PMEPA1: variants seen among roughly 807,000 people sequenced by gnomAD.
PMEPA1 encodes the protein prostate transmembrane protein, androgen induced 1.
Under a neutral mutation model 23.0 loss-of-function variants are expected in PMEPA1, and 11 were observed. The ratio of observed to expected loss-of-function variants is 0.48; its 90% CI spans 0.30 to 0.79. The LOEUF (loss-of-function observed/expected upper bound fraction) is 0.79, where lower values mean the gene tolerates loss of function less well. Ranked by LOEUF, PMEPA1 falls within the 30% of genes least tolerant of loss-of-function variation. The pLI is 0.06. For missense variants in PMEPA1, 377 were observed against 390.9 expected (o/e 0.96, Z 0.30); for synonymous variants, 204 against 166.4 (o/e 1.23, Z -1.74).
At chr20:57,674,337 C>G (rs1395586262) in intron 1 of PMEPA1, among the ~76,000 whole-genome samples, 1 of 152,238 alleles carries the variant, frequency 6.6e-6, no homozygotes, top group Non-Finnish European at 1.5e-5. Flanking sequence ...CATCTACAAG[C>G]CACAAAGCAG....
intron 1 of PMEPA1, among the ~76,000 whole-genome samples, chr20:57,708,983 C>G (rs2072125811): frequency 6.6e-6 from 1 of 152,012 alleles, no homozygotes; most frequent in Non-Finnish European, 1.5e-5. Flanking sequence ...ACTCCACAGA[C>G]GCACGGACAT....
chr20:57,666,653 C>T (rs948146064), intron 1 of PMEPA1, among the ~76,000 whole-genome samples: 3 of 152,178 alleles, frequency 2.0e-5, no homozygotes, highest in Admixed American at 2.0e-4. Context: ...GCGTGTCGCC[C>T]CCAACGCAGT....
chr20:57,672,199 G>A (rs543864457), intron 1 of PMEPA1, among the ~76,000 whole-genome samples: 5 of 152,354 alleles, frequency 3.3e-5, no homozygotes, highest in South Asian at 2.1e-4. Flanking sequence ...ACTCTCGCAC[G>A]CGCACGTGTG....
intron 2 of PMEPA1, among the ~76,000 whole-genome samples, chr20:57,654,976 AC>A (rs891822604): frequency 6.0e-5 from 9 of 150,064 alleles, no homozygotes; most frequent in Non-Finnish European, 1.0e-4. Flanking sequence ...CTCTGCTTAA[AC>A]CGTCTGGGCC....
rs1359838381 is a variant in PMEPA1, at chr20:57,698,592, A to G, written c.109+10882T>C. On this transcript the variant is annotated intron_variant, in intron 1 of 3. Coordinates refer to ENST00000341744, the MANE Select transcript of PMEPA1 (RefSeq NM_020182.5). ...AGTTGATTCAGACATTTACAGAATT[A>G]TTACCAACTAAATTGTTTTTAGGAA... 3.9e-5 allele frequency among the ~76,000 whole-genome samples: 6 copies of G among 152,244 alleles called. No individual in the cohort carries two copies. The East Asian group carries it at 1.2e-3, about 29-fold the overall frequency.
chr20:57,658,086 C>A (rs1223481487), intron 2 of PMEPA1, among the ~76,000 whole-genome samples: 1 of 152,246 alleles, frequency 6.6e-6, no homozygotes, highest in Non-Finnish European at 1.5e-5. Flanking sequence ...AACAGCCGGG[C>A]TTCAGGCGGC....
At chr20:57,686,061 G>T (rs1230036272) in intron 1 of PMEPA1, among the ~76,000 whole-genome samples, 1 of 152,146 alleles carries the variant, frequency 6.6e-6, no homozygotes, top group African/African-American at 2.4e-5. Context: ...TCTAAACTGG[G>T]GAGTGGGCCT....
At position 57,709,900 on chromosome 20, in the gene PMEPA1, T is replaced by C; in HGVS notation, c.-318A>G. The C allele has an allele frequency of 9.9e-7, 1 of 1,005,222 alleles. No individual in the cohort carries two copies. The highest frequency in any genetic ancestry group is 1.2e-6 in the Non-Finnish European group (1 of 847,096). 62.3% of individuals were successfully genotyped at this position (1,005,222 alleles called of 1,614,324 possible). On this transcript the variant is annotated 5_prime_UTR_variant, in exon 1 of 4. Coordinates refer to ENST00000341744, the MANE Select transcript of PMEPA1 (RefSeq NM_020182.5). The stretch of plus-strand genomic sequence containing the variant: ...GGGGCTGAGCCTCTGCCGCTAGCTT[T>C]CCCCAGCCGAGCGCCTCCGCCGCCG...
At position 57,707,558 on chromosome 20, in the gene PMEPA1, G is replaced by C. The variant is rs575397946; in HGVS notation, c.109+1916C>G. On this transcript the variant is annotated intron_variant, in intron 1 of 3. Coordinates refer to ENST00000341744, the MANE Select transcript of PMEPA1 (RefSeq NM_020182.5). ...GGCGGGGCAAAGTGCAGAGGGCGGC[G>C]GCAAGGCATTTAACAAGAGGCCTTG... is the stretch of plus-strand genomic sequence containing the variant. Among the ~76,000 whole-genome samples, 3 of 152,156 alleles carry C rather than the reference G, an allele frequency of 2.0e-5. No homozygotes were observed. The South Asian group carries it at 6.2e-4, about 32-fold the overall frequency.
At chr20:57,654,514 G>A (rs1281720787) in intron 2 of PMEPA1, among the ~76,000 whole-genome samples, 1 of 152,124 alleles carries the variant, frequency 6.6e-6, no homozygotes, top group Non-Finnish European at 1.5e-5. Flanking sequence ...ACCCCTTAAG[G>A]AGGTCTTAAC....
upstream of PMEPA1, chr20:57,710,725 C>T: frequency 2.2e-6 from 1 of 462,332 alleles, no homozygotes; most frequent in South Asian, 4.1e-5. Flanking sequence ...GGGGGCGCGG[C>T]TGCGGAGTTC....
rs2071745136 is a variant in PMEPA1, at chr20:57,683,256, T to C, written c.110-23559A>G. ...AAGCTCCCTAAACTCAAGCCAAGGGTGCGTTTTTGATGTGCTGAGAGAGGC... is the reference window on the plus strand; with the variant it reads ...AAGCTCCCTAAACTCAAGCCAAGGGCGCGTTTTTGATGTGCTGAGAGAGGC... On this transcript the variant is annotated intron_variant, in intron 1 of 3. Coordinates refer to ENST00000341744, the MANE Select transcript of PMEPA1 (RefSeq NM_020182.5). This position sits in a 1 kb window ranked among gnomAD's most constrained non-coding sequence, Gnocchi z 4.3. 6.6e-6 allele frequency among the ~76,000 whole-genome samples: 1 copy of C among 152,026 alleles called. No homozygotes were observed. Among genetic ancestry groups the C allele is most frequent in the African/African-American group, 2.4e-5 (1 of 41,370 alleles).
Position 57,709,976 on chromosome 20 carries a change from C to A in PMEPA1, c.-394G>T. On this transcript the variant is annotated 5_prime_UTR_variant, in exon 1 of 4. Transcript: ENST00000341744. Reference sequence around the variant, plus strand: ...ATTCAAGTCCAAGGAGATCGGGTTTCGCTCCGAGACCGCGGTCGGAGGCAG... The same window carrying A: ...ATTCAAGTCCAAGGAGATCGGGTTTAGCTCCGAGACCGCGGTCGGAGGCAG... 2.0e-6 allele frequency: 2 copies of A among 991,926 alleles called. No individual in the cohort carries two copies. The highest frequency in any genetic ancestry group is 4.5e-5 in the South Asian group (1 of 22,450). 61.4% of individuals were successfully genotyped at this position (991,926 alleles called of 1,614,324 possible).
upstream of PMEPA1, chr20:57,710,561 G>A (rs2072165602): frequency 7.8e-7 from 1 of 1,285,120 alleles, no homozygotes; most frequent in Non-Finnish European, 1.1e-6. Context: ...AACCCAAGGA[G>A]GACGACCAGG....
intron 1 of PMEPA1, among the ~76,000 whole-genome samples, chr20:57,670,785 C>A (rs62779): frequency 6.6e-6 from 1 of 151,936 alleles, no homozygotes; most frequent in Admixed American, 6.5e-5. Context: ...TTTGCAAAGG[C>A]CCACTCAGGT....
At position 57,683,046 on chromosome 20, in the gene PMEPA1, T is replaced by C. The variant is rs1396183662; in HGVS notation, c.110-23349A>G. Among the ~76,000 whole-genome samples the C allele has an allele frequency of 6.6e-6, 1 of 152,174 alleles. No homozygotes were observed. The highest frequency in any genetic ancestry group is 1.5e-5 in the Non-Finnish European group (1 of 68,030). Reference sequence around the variant, plus strand: ...TTTGAGCTCTAAAAGCCAGACCTTTTTCAATGTCATCTCTCACGCCGCAGT... The same window carrying C: ...TTTGAGCTCTAAAAGCCAGACCTTTCTCAATGTCATCTCTCACGCCGCAGT... On this transcript the variant is annotated intron_variant, in intron 1 of 3. Coordinates refer to ENST00000341744, the MANE Select transcript of PMEPA1 (RefSeq NM_020182.5). This position sits in a 1 kb window ranked among gnomAD's most constrained non-coding sequence, Gnocchi z 4.3.
chr20:57,690,297 G>T, intron 1 of PMEPA1: 1 of 610,998 alleles, frequency 1.6e-6, no homozygotes, highest in Non-Finnish European at 2.8e-6. Context: ...GGGGGGCCGG[G>T]CCCAGTGCCT....
intron 1 of PMEPA1, among the ~76,000 whole-genome samples, chr20:57,675,509 T>C (rs1359651672): frequency 1.3e-5 from 2 of 152,190 alleles, no homozygotes; most frequent in African/African-American, 2.4e-5. Flanking sequence ...ATCACCTTCA[T>C]GTGGGGCTCA....
chr20:57,675,413 C>G (rs1386732806), intron 1 of PMEPA1, among the ~76,000 whole-genome samples: 1 of 152,236 alleles, frequency 6.6e-6, no homozygotes, highest in Non-Finnish European at 1.5e-5. Flanking sequence ...CGTCAGGAGC[C>G]CGACTGAGCT....
Sources: gnomAD v4.1 joint callset for allele counts (sites outside exome capture counted in the v4.1 genomes callset) on GRCh38, gnomAD v4.1.1 for gene constraint, Gnocchi (gnomAD v3.1) non-coding constraint, MANE v1.5 for transcripts, NCBI Gene and HGNC (gene_info 2026-07-23, HGNC 2026-07-21) for gene names.